IDE: variants seen among roughly 807,000 people sequenced by gnomAD.
IDE encodes insulin-degrading enzyme.
In IDE, 58 loss-of-function variants were observed where a neutral mutation model predicts 133.2. That is an observed-to-expected ratio of 0.44 (90% CI 0.35 to 0.54). IDE has a LOEUF of 0.54. IDE is among the 20% of genes least tolerant of loss of function. The pLI, the probability that IDE is intolerant of heterozygous loss-of-function variation, is 0.00. For synonymous variants in IDE, 396 were observed against 421.3 expected, an observed-to-expected ratio of 0.94 and a Z score of 0.73; for missense variants, 981 against 1,234.0, an observed-to-expected ratio of 0.79 and a Z score of 3.07.
chr10:92,489,708 G>A (rs1283961602), intron 12 of IDE, among the ~76,000 whole-genome samples: 1 of 152,126 alleles, frequency 6.6e-6, no homozygotes, highest in Non-Finnish European at 1.5e-5. Context: ...ATGATCTTCT[G>A]TATCATGAAT....
chr10:92,509,929 A>T (rs913356694), intron 6 of IDE, 121 bp downstream of exon 6: 14 of 549,110 alleles, frequency 2.5e-5, no homozygotes, highest in African/African-American at 1.7e-4. Context: ...TCCAAAAAAA[A>T]AAAAAAAAAA....
chr10:92,517,371 T>C (rs1848985969), intron 4 of IDE, among the ~76,000 whole-genome samples: 1 of 152,186 alleles, frequency 6.6e-6, no homozygotes, highest in African/African-American at 2.4e-5. Flanking sequence ...TATGCATTCA[T>C]ACTCACTAGA....
chr10:92,507,625 G>C lies in IDE; in HGVS notation c.1195C>G (p.Gln399Glu), dbSNP rs1352494941. The stretch of plus-strand genomic sequence containing the variant: ...TGAGGTCCTTCTGCACGTAACTTCT[G>C]AATGTATTGAAACATGTGCAAAATT... ...DIILHMFQYI[Q>E]KLRAEGPQEW... Residue 399 changes from glutamine to glutamate, a missense_variant, in exon 9 of 25, where the codon CAG (glutamine) becomes GAG (glutamate). Physicochemically the swap from Gln to Glu is conservative, Grantham distance 29 (BLOSUM62 2). Coordinates refer to ENST00000265986, the MANE Select transcript of IDE (RefSeq NM_004969.4). The C allele has an allele frequency of 6.2e-7, 1 of 1,608,176 alleles. No homozygotes were observed. Among genetic ancestry groups the C allele is most frequent in the South Asian group, 1.1e-5 (1 of 90,940 alleles).
chr10:92,493,173 G>A (rs947460155), intron 11 of IDE, among the ~76,000 whole-genome samples: 51 of 152,280 alleles, frequency 3.3e-4, no homozygotes, highest in Middle Eastern at 3.4e-3. Context: ...AGAGTTCACA[G>A]AAATCATATA....
chr10:92,571,762 A>G (rs1175040860), intron 1 of IDE, among the ~76,000 whole-genome samples: 2 of 152,260 alleles, frequency 1.3e-5, no homozygotes, highest in African/African-American at 4.8e-5. Flanking sequence ...GTGTTTGCAA[A>G]TACATAACAG....
intron 1 of IDE, among the ~76,000 whole-genome samples, chr10:92,546,030 A>T (rs1409529201): frequency 1.3e-5 from 2 of 152,254 alleles, no homozygotes; most frequent in Non-Finnish European, 2.9e-5. Context: ...GTGAAATGAT[A>T]AATTGTACAT....
At chr10:92,500,771 G>C (rs61875369) in intron 11 of IDE, among the ~76,000 whole-genome samples, 1 of 150,504 alleles carries the variant, frequency 6.6e-6, no homozygotes, top group Admixed American at 6.6e-5. Flanking sequence ...TTTTTTTCCG[G>C]AGTGTTCTGA....
At position 92,515,742 on chromosome 10, in the gene IDE, TAG is replaced by T. The variant is rs1848885201; in HGVS notation, c.662-702_662-701del. ...CGCCCGGCTAATTTTGTATTTTTAGTAGAGATGGGGTTTCTCCATGTTGGTCA... is the reference window on the plus strand; with the variant it reads ...CGCCCGGCTAATTTTGTATTTTTAGTAGATGGGGTTTCTCCATGTTGGTCA... On this transcript the variant is annotated intron_variant, in intron 4 of 24. Coordinates refer to ENST00000265986, the MANE Select transcript of IDE (RefSeq NM_004969.4). Among the ~76,000 whole-genome samples, 6 of 149,858 alleles carry T rather than the reference TAG, an allele frequency of 4.0e-5. No homozygotes were observed. In the South Asian group the frequency reaches 1.1e-3, roughly 26 times the overall value.
intron 1 of IDE, among the ~76,000 whole-genome samples, chr10:92,556,005 C>T (rs145470083): frequency 6.6e-6 from 1 of 151,562 alleles, no homozygotes; most frequent in East Asian, 2.0e-4. Flanking sequence ...AACCCCGTCT[C>T]TACTAAAAAT....
rs570556243 is a variant in IDE at position 92,490,661 on chromosome 10, C to T, written c.1431-66G>A. 92 of 941,568 alleles carry T rather than the reference C, an allele frequency of 9.8e-5. 1 individual carries two copies. In the South Asian group the frequency reaches 1.1e-3, roughly 11 times the overall value. The allele number at this position is 941,568 out of a possible 1,614,324, so 58.3% of individuals were successfully genotyped here. A position where few individuals can be genotyped will look rare whatever the true frequency, so the allele number is the denominator to read the frequency against. ...ATACTGTATATATGAATTTAAAGAA[C>T]CTGACTCAGGACAATATAAACAATA... On this transcript the variant is annotated intron_variant, in intron 11 of 24. Transcript: ENST00000265986.
Position 92,479,265 on chromosome 10 carries a change from G to A in IDE, c.1884+12C>T, listed in dbSNP as rs772895261. ...GTTGATGAGTGGAAGGCTCTAAGGC[G>A]TGGGTACTTACATACATCCCATAGA... On this transcript the variant is annotated intron_variant, in intron 15 of 24. Transcript: ENST00000265986. The A allele has an allele frequency of 1.4e-5, 22 of 1,591,904 alleles. No individual in the cohort carries two copies. Among genetic ancestry groups the A allele is most frequent in the East Asian group, 2.3e-5 (1 of 44,346 alleles).
At chr10:92,546,434 T>C (rs1332387472) in intron 1 of IDE, among the ~76,000 whole-genome samples, 1 of 152,048 alleles carries the variant, frequency 6.6e-6, no homozygotes, top group Non-Finnish European at 1.5e-5. Flanking sequence ...AAGGGGGAGA[T>C]ACATGAATTA....
In IDE at chr10:92,487,796, TTCTC is replaced by T. The variant is rs1454127681; in HGVS notation, c.1534-482_1534-479del. Among the ~76,000 whole-genome samples the T allele has an allele frequency of 3.3e-5, 5 of 152,226 alleles. No homozygotes were observed. In the South Asian group the frequency reaches 8.3e-4, roughly 25 times the overall value. On this transcript the variant is annotated intron_variant, in intron 12 of 24. Transcript: ENST00000265986. ...AAGGAGGTGTCTTTCACTTTAGTAC[TTCTC>T]TCTTTTTTTTCTTCCTGAGACAGTC...
intron 11 of IDE, among the ~76,000 whole-genome samples, chr10:92,493,068 CAG>C (rs1847457705): frequency 1.3e-5 from 2 of 152,166 alleles, no homozygotes; most frequent in South Asian, 4.1e-4. Flanking sequence ...ACAGAGGAAT[CAG>C]AGGATTTGAC....
chr10:92,488,238 G>A (rs1241085974), intron 12 of IDE, among the ~76,000 whole-genome samples: 1 of 152,116 alleles, frequency 6.6e-6, no homozygotes, highest in Non-Finnish European at 1.5e-5. Flanking sequence ...CTGAGTAGCT[G>A]GGATTACAGG....
intron 1 of IDE, among the ~76,000 whole-genome samples, chr10:92,542,444 C>T (rs1288831284): frequency 6.6e-6 from 1 of 152,076 alleles, no homozygotes. Context: ...CATGGGCCAC[C>T]GTGCCTAGTC....
chr10:92,477,931 G>C (rs1345619147), intron 15 of IDE, among the ~76,000 whole-genome samples: 1 of 152,002 alleles, frequency 6.6e-6, no homozygotes, highest in Admixed American at 6.6e-5. Context: ...AAAAGTCACT[G>C]GAAAATAAAT....
rs958874591 is a variant in IDE, at chr10:92,561,518, G to A, written c.98+12404C>T. ...TGTAATCCCAGCCCTTTGGGAGGCC[G>A]AGGCGGGCGGATCACCTGAGGTCAG... On this transcript the variant is annotated intron_variant, in intron 1 of 24. Coordinates refer to ENST00000265986, the MANE Select transcript of IDE (RefSeq NM_004969.4). 3.3e-5 allele frequency among the ~76,000 whole-genome samples: 5 copies of A among 151,108 alleles called. No homozygotes were observed. The East Asian group carries it at 5.9e-4, about 18-fold the overall frequency.
At chr10:92,536,025 G>A (rs1445311105) in intron 2 of IDE, among the ~76,000 whole-genome samples, 4 of 150,104 alleles carry the variant, frequency 2.7e-5, no homozygotes, top group Non-Finnish European at 5.9e-5. Context: ...AACAGAGTGA[G>A]ACTCTGTCTC....
Sources: allele counts gnomAD v4.1 joint callset (sites outside exome capture counted in the v4.1 genomes callset), GRCh38; gene constraint gnomAD v4.1.1; transcripts MANE v1.5; gene names NCBI Gene and HGNC (gene_info 2026-07-23, HGNC 2026-07-21).